Variants in LRP1B observed in about 807,000 individuals in gnomAD.
The protein encoded by LRP1B is LDL receptor related protein 1B.
Under a neutral mutation model 556.6 loss-of-function variants are expected in LRP1B, and 217 were observed. The observed-to-expected ratio is 0.39, with a 90% CI of 0.35 to 0.44. The LOEUF (loss-of-function observed/expected upper bound fraction) is 0.44, where lower values mean the gene tolerates loss of function less well. Among genes scored for constraint, LRP1B ranks in the 20% least tolerant of loss-of-function variants. The pLI is 1.00. For synonymous variants in LRP1B, 2,047 were observed against 1,865.8 expected (o/e 1.10, Z -2.50); for missense variants, 5,053 against 5,620.8 (o/e 0.90, Z 3.23).
At chr2:140,670,289 G>A (rs916917101) in intron 41 of LRP1B, among the ~76,000 whole-genome samples, 1 of 152,068 alleles carries the variant, frequency 6.6e-6, no homozygotes. Context: ...TTTGTTTAAA[G>A]TCATGAGCCC....
chr2:140,617,810 C>T (rs1246898084), intron 41 of LRP1B, among the ~76,000 whole-genome samples: 1 of 151,894 alleles, frequency 6.6e-6, no homozygotes, highest in African/African-American at 2.4e-5. Context: ...TTTCCTTGAA[C>T]TAACCATCTG....
At chr2:140,662,293 C>A (rs574425761) in intron 41 of LRP1B, among the ~76,000 whole-genome samples, 1 of 152,032 alleles carries the variant, frequency 6.6e-6, no homozygotes, top group Admixed American at 6.5e-5. Context: ...AAATAATCCA[C>A]AGTTTTTATT....
At chr2:141,153,537 ATATAT>A (rs973594765) in intron 7 of LRP1B, among the ~76,000 whole-genome samples, 83 of 125,468 alleles carry the variant, frequency 6.6e-4, no homozygotes, top group African/African-American at 2.3e-3. Flanking sequence ...TTTATATATA[ATATAT>A]TATATATTAG....
At chr2:140,968,817 A>G (rs527370450) in intron 18 of LRP1B, among the ~76,000 whole-genome samples, 1 of 152,312 alleles carries the variant, frequency 6.6e-6, no homozygotes, top group East Asian at 1.9e-4. Flanking sequence ...CAGATTGTTC[A>G]GTTTCCATGT....
chr2:141,610,066 G>A (rs1224776690), intron 2 of LRP1B, among the ~76,000 whole-genome samples: 1 of 152,056 alleles, frequency 6.6e-6, no homozygotes, highest in African/African-American at 2.4e-5. Context: ...TAATTATTGT[G>A]TTCTTGGCTA....
At chr2:141,739,004 G>A (rs942012353) in intron 2 of LRP1B, among the ~76,000 whole-genome samples, 5 of 151,944 alleles carry the variant, frequency 3.3e-5, no homozygotes, top group Non-Finnish European at 7.4e-5. Context: ...CAACACTAAC[G>A]TATGTACACT....
intron 86 of LRP1B, among the ~76,000 whole-genome samples, chr2:140,261,999 A>T (rs1052030670): frequency 6.6e-6 from 1 of 152,058 alleles, no homozygotes; most frequent in African/African-American, 2.4e-5. Context: ...GTTCAAATGG[A>T]GAAAGAATTG....
intron 32 of LRP1B, among the ~76,000 whole-genome samples, chr2:140,811,988 T>A (rs1450348474): frequency 6.6e-6 from 1 of 152,000 alleles, no homozygotes; most frequent in Non-Finnish European, 1.5e-5. Flanking sequence ...CATTTAAATT[T>A]CTCATCTGAA....
At chr2:140,785,698 G>C (rs1250235497) in intron 32 of LRP1B, among the ~76,000 whole-genome samples, 1 of 151,956 alleles carries the variant, frequency 6.6e-6, no homozygotes, top group Non-Finnish European at 1.5e-5. Flanking sequence ...ATATCCTCCT[G>C]ATGTATTTAA....
intron 23 of LRP1B, among the ~76,000 whole-genome samples, chr2:140,898,049 G>A (rs546277328): frequency 1.3e-5 from 2 of 152,242 alleles, no homozygotes; most frequent in Admixed American, 1.3e-4. Flanking sequence ...AATTGAAGAT[G>A]CTCATTCCAG....
chr2:140,621,480 T>G (rs1304128682), intron 41 of LRP1B, among the ~76,000 whole-genome samples: 1 of 151,894 alleles, frequency 6.6e-6, no homozygotes, highest in Non-Finnish European at 1.5e-5. Context: ...AAACAACATT[T>G]TTTTTAATTG....
intron 1 of LRP1B, among the ~76,000 whole-genome samples, chr2:141,985,699 T>G (rs1168707818): frequency 6.6e-6 from 1 of 151,946 alleles, no homozygotes; most frequent in South Asian, 2.1e-4. Flanking sequence ...TATTTACCTG[T>G]GTAACATTTT....
intron 20 of LRP1B, among the ~76,000 whole-genome samples, chr2:140,930,809 C>A (rs1356805762): frequency 6.6e-6 from 1 of 152,096 alleles, no homozygotes; most frequent in East Asian, 1.9e-4. Flanking sequence ...CTGTGAATCA[C>A]TATGTATTAA....
At position 141,334,503 on chromosome 2, in the gene LRP1B, T is replaced by C. The variant is rs561351178; in HGVS notation, c.344-79862A>G. On this transcript the variant is annotated intron_variant, in intron 3 of 90. Coordinates refer to ENST00000389484, the MANE Select transcript of LRP1B (RefSeq NM_018557.3). ...CTCTTTTCTTTATAAATTATCCACTTTCAGGTATTTCCTTATAGTAGTGCA... is the reference window on the plus strand; with the variant it reads ...CTCTTTTCTTTATAAATTATCCACTCTCAGGTATTTCCTTATAGTAGTGCA... Among the ~76,000 whole-genome samples, 7 of 152,336 alleles carry C rather than the reference T, an allele frequency of 4.6e-5. No homozygotes were observed. In the South Asian group the frequency reaches 6.2e-4, roughly 14 times the overall value.
chr2:140,393,800 A>T (rs1684130590), intron 66 of LRP1B, among the ~76,000 whole-genome samples: 1 of 152,182 alleles, frequency 6.6e-6, no homozygotes, highest in Non-Finnish European at 1.5e-5. Flanking sequence ...GGATGGAGTT[A>T]GAACTGGCAA....
intron 14 of LRP1B, among the ~76,000 whole-genome samples, chr2:141,007,089 A>AAC (rs925366419): frequency 6.6e-6 from 1 of 151,986 alleles, no homozygotes; most frequent in Non-Finnish European, 1.5e-5. Context: ...ATTTTACTGA[A>AAC]ACATTAAAAA....
intron 41 of LRP1B, among the ~76,000 whole-genome samples, chr2:140,691,195 G>T (rs1686225090): frequency 6.6e-6 from 1 of 152,068 alleles, no homozygotes; most frequent in Non-Finnish European, 1.5e-5. Flanking sequence ...ATATTGGCAG[G>T]GCGCGGTGGC....
chr2:140,720,331 A>C (rs920928113), intron 35 of LRP1B, among the ~76,000 whole-genome samples: 2 of 152,072 alleles, frequency 1.3e-5, no homozygotes, highest in African/African-American at 4.8e-5. Context: ...GGATTGTAAA[A>C]TAGAATTTGT....
chr2:141,017,572 C>T (rs1432605794), intron 12 of LRP1B, among the ~76,000 whole-genome samples: 1 of 151,508 alleles, frequency 6.6e-6, no homozygotes, highest in African/African-American at 2.4e-5. Context: ...GATCCAGCAC[C>T]TAAAATTATT....
Sources: allele counts gnomAD v4.1 joint callset (sites outside exome capture counted in the v4.1 genomes callset), GRCh38; gene constraint gnomAD v4.1.1; transcripts MANE v1.5; gene names NCBI Gene and HGNC (gene_info 2026-07-23, HGNC 2026-07-21).